TMEM117: variants seen among roughly 807,000 people sequenced by gnomAD.
TMEM117 encodes transmembrane protein 117.
A neutral mutation model predicts 52.4 loss-of-function variants in TMEM117; 27 were observed. The ratio of observed to expected loss-of-function variants is 0.51; its 90% CI spans 0.38 to 0.71. The LOEUF (loss-of-function observed/expected upper bound fraction) is 0.71. Among genes scored for constraint, TMEM117 ranks in the 30% least tolerant of loss-of-function variants. TMEM117 has a pLI of 0.00. For synonymous variants in TMEM117, 215 were observed against 206.3 expected, an observed-to-expected ratio of 1.04 and a Z score of -0.36; for missense variants, 556 against 630.5, an observed-to-expected ratio of 0.88 and a Z score of 1.26.
At chr12:43,841,629 G>A (rs1483454505) in intron 1 of TMEM117, among the ~76,000 whole-genome samples, 5 of 152,134 alleles carry the variant, frequency 3.3e-5, no homozygotes, top group African/African-American at 1.2e-4. Flanking sequence ...AAGAAAATAA[G>A]TATGTGCTAG....
the TMEM117 span, among the ~76,000 whole-genome samples, chr12:43,804,774 T>C: frequency 7.2e-5 from 11 of 152,348 alleles, no homozygotes; most frequent in Admixed American, 4.6e-4. Context: ...TTTAAAAGTA[T>C]GTTAATAATT....
At chr12:44,121,321 G>A (rs1048313373) in intron 3 of TMEM117, among the ~76,000 whole-genome samples, 7 of 152,020 alleles carry the variant, frequency 4.6e-5, no homozygotes, top group African/African-American at 1.7e-4. Flanking sequence ...AATAAATATG[G>A]TTAACCATTG....
intron 4 of TMEM117, among the ~76,000 whole-genome samples, chr12:44,209,967 C>T (rs1406540729): frequency 2.6e-5 from 4 of 152,090 alleles, no homozygotes; most frequent in Non-Finnish European, 1.5e-5. Flanking sequence ...GGACTCCCCA[C>T]TGAATCACAA....
intron 6 of TMEM117, among the ~76,000 whole-genome samples, chr12:44,300,602 C>T (rs556296619): frequency 3.9e-5 from 6 of 152,212 alleles, no homozygotes; most frequent in Non-Finnish European, 8.8e-5. Flanking sequence ...GAGAGATATT[C>T]AGTGTTGTCT....
chr12:43,890,859 A>G (rs1486830177), intron 2 of TMEM117, among the ~76,000 whole-genome samples: 2 of 152,130 alleles, frequency 1.3e-5, no homozygotes, highest in East Asian at 3.8e-4. Flanking sequence ...GAATACTTTT[A>G]AAGAAGACAT....
intron 5 of TMEM117, among the ~76,000 whole-genome samples, chr12:44,224,986 G>A (rs1949842136): frequency 6.6e-6 from 1 of 152,040 alleles, no homozygotes; most frequent in African/African-American, 2.4e-5. Context: ...CTTCCATAAG[G>A]AATGAGAATG....
At chr12:44,346,717 A>G (rs1049125706) in intron 6 of TMEM117, among the ~76,000 whole-genome samples, 7 of 152,184 alleles carry the variant, frequency 4.6e-5, no homozygotes, top group South Asian at 4.1e-4. Context: ...TCAGAACACA[A>G]TTTGAGTCAG....
At chr12:43,997,209 C>G (rs1255264077) in intron 3 of TMEM117, among the ~76,000 whole-genome samples, 1 of 152,198 alleles carries the variant, frequency 6.6e-6, no homozygotes, top group East Asian at 1.9e-4. Context: ...CCTGCATATG[C>G]AACCATTAAG....
chr12:43,797,307 G>T, the TMEM117 span: 1 of 1,591,194 alleles, frequency 6.3e-7, no homozygotes, highest in Non-Finnish European at 8.5e-7. Flanking sequence ...TATACCTATG[G>T]ACTCTAAATA....
the TMEM117 span, among the ~76,000 whole-genome samples, chr12:44,396,337 C>G: frequency 1.3e-5 from 2 of 152,092 alleles, no homozygotes; most frequent in African/African-American, 4.8e-5. Context: ...TACTGCCCCT[C>G]TCTTGTGTTC....
chr12:43,922,560 G>A (rs1049798860), intron 2 of TMEM117, among the ~76,000 whole-genome samples: 3 of 152,122 alleles, frequency 2.0e-5, no homozygotes, highest in African/African-American at 7.2e-5. Context: ...AGGGCGTTCC[G>A]TTTGGCTTCT....
chr12:44,105,049 C>T (rs1467326127), intron 3 of TMEM117, among the ~76,000 whole-genome samples: 1 of 151,808 alleles, frequency 6.6e-6, no homozygotes, highest in Admixed American at 6.6e-5. Flanking sequence ...ATCATTATTG[C>T]TTCATATATT....
At chr12:44,046,615 T>C (rs1160568028) in intron 3 of TMEM117, among the ~76,000 whole-genome samples, 1 of 152,158 alleles carries the variant, frequency 6.6e-6, no homozygotes, top group Non-Finnish European at 1.5e-5. Flanking sequence ...GCAAAGGGAA[T>C]ACAGAATGGG....
At chr12:44,031,518 G>A (rs1361390337) in intron 3 of TMEM117, among the ~76,000 whole-genome samples, 1 of 152,192 alleles carries the variant, frequency 6.6e-6, no homozygotes, top group Non-Finnish European at 1.5e-5. Context: ...CTCATTGATA[G>A]CTGAAATGTT....
chr12:43,875,945 G>C (rs966112267), intron 2 of TMEM117, among the ~76,000 whole-genome samples: 1 of 152,082 alleles, frequency 6.6e-6, no homozygotes, highest in African/African-American at 2.4e-5. Flanking sequence ...TATTCATATG[G>C]AATAATTCTG....
chr12:44,171,013 CTT>C (rs757855409), intron 4 of TMEM117, among the ~76,000 whole-genome samples: 11,577 of 131,176 alleles, frequency 0.088, 266 homozygotes, highest in African/African-American at 0.13. Flanking sequence ...TAACAAATAT[CTT>C]TTTTTTTTTT....
chr12:43,947,605 A>G (rs578254449), intron 3 of TMEM117, among the ~76,000 whole-genome samples: 1 of 152,230 alleles, frequency 6.6e-6, no homozygotes, highest in Non-Finnish European at 1.5e-5. Context: ...AGACATCACA[A>G]GTAACTGGTT....
chr12:44,318,524 TCCATCTGCA>T (rs1225606432), intron 6 of TMEM117, among the ~76,000 whole-genome samples: 16 of 152,064 alleles, frequency 1.1e-4, no homozygotes, highest in African/African-American at 3.9e-4. Flanking sequence ...AACAGGGTGC[TCCATCTGCA>T]TGGAGATTTG....
chr12:44,275,192 A>C (rs1950497077), intron 5 of TMEM117, among the ~76,000 whole-genome samples: 1 of 152,188 alleles, frequency 6.6e-6, no homozygotes, highest in Admixed American at 6.5e-5. Flanking sequence ...CAGGCAGATG[A>C]AAAGGTGCTA....
Sources: gnomAD v4.1 joint callset for allele counts (sites outside exome capture counted in the v4.1 genomes callset) on GRCh38, gnomAD v4.1.1 for gene constraint, MANE v1.5 for transcripts, NCBI Gene and HGNC (gene_info 2026-07-23, HGNC 2026-07-21) for gene names.